The following CLUH variants were observed in gnomAD, a reference collection of about 807,000 sequenced individuals.
CLUH encodes the protein clustered mitochondria protein homolog.
Under a neutral mutation model 139.3 loss-of-function variants are expected in CLUH, and 77 were observed. The observed-to-expected ratio is 0.55, with a 90% confidence interval of 0.46 to 0.67. The LOEUF (loss-of-function observed/expected upper bound fraction) is 0.67, where lower values mean the gene tolerates loss of function less well. Among genes scored for constraint, CLUH ranks in the 30% least tolerant of loss-of-function variants. The pLI is 0.00. For missense variants in CLUH, 1,876 were observed against 1,875.8 expected (o/e 1.00, Z 0.00); for synonymous variants, 999 against 801.6 (o/e 1.25, Z -4.16).
rs1366776360 is a variant in CLUH at position 2,698,323 on chromosome 17, C to A, written c.1534G>T (p.Val512Leu). ...VEGLYTLGTV[V>L]VDYRGYRVTA... ...ACCCGGTAGCCGCGGTAATCCACCACCACCGTGCCCAGCGTGTACAGCCCC... is the reference window on the plus strand; with the variant it reads ...ACCCGGTAGCCGCGGTAATCCACCAACACCGTGCCCAGCGTGTACAGCCCC... The change falls in exon 10 of 26, where the codon GTG (valine) becomes TTG (leucine). Residue 512 changes from valine to leucine, a missense_variant. Val to Leu is a conservative substitution (Grantham distance 32). This residue lies in a region of CLUH where 1,454 missense variants were observed against 1,384.4 expected (regional missense o/e 1.05). Coordinates refer to ENST00000651024, the MANE Select transcript of CLUH (RefSeq NM_001366661.1). The A allele has an allele frequency of 2.5e-6, 4 of 1,612,936 alleles. No homozygotes were observed. Among genetic ancestry groups the A allele is most frequent in the Non-Finnish European group, 3.4e-6 (4 of 1,179,754 alleles).
chr17:2,694,621 C>T (rs987783991), intron 16 of CLUH, 57 bp from the exon 17 acceptor site: 43 of 1,470,946 alleles, frequency 2.9e-5, no homozygotes, highest in East Asian at 1.7e-4. Flanking sequence ...CCCCCAACAC[C>T]GCCCCACCCA....
chr17:2,699,758 A>G (rs962868895), intron 9 of CLUH, among the ~76,000 whole-genome samples: 1 of 151,734 alleles, frequency 6.6e-6, no homozygotes, highest in African/African-American at 2.4e-5. Context: ...CAGACTCCCG[A>G]GTAGCTGGGA....
In CLUH at chr17:2,691,988, C is replaced by A. The variant is rs1229585276; in HGVS notation, c.3654+16G>T. The A allele has an allele frequency of 2.6e-6, 3 of 1,154,716 alleles. No individual in the cohort carries two copies. Among genetic ancestry groups the A allele is most frequent in the Non-Finnish European group, 2.2e-6 (2 of 906,416 alleles). 71.5% of individuals were successfully genotyped at this position (1,154,716 alleles called of 1,614,324 possible). ...CCCCGCCCCGCCCCCGCCCCCGCCA[C>A]GCCCCCGCCGCGCACCTGCGTCTTG... On this transcript the variant is annotated intron_variant, in intron 23 of 25. Transcript: ENST00000651024.
At position 2,696,524 on chromosome 17, in the gene CLUH, G is replaced by A. The variant is rs200794784; in HGVS notation, c.2200C>T (p.Arg734Trp). 8 of 1,573,734 alleles carry A rather than the reference G, an allele frequency of 5.1e-6. No individual in the cohort carries two copies. Among genetic ancestry groups the A allele is most frequent in the Admixed American group, 1.8e-5 (1 of 54,566 alleles). The change falls in exon 12 of 26, where the codon CGG becomes TGG. Residue 734 changes from arginine to tryptophan, a missense_variant. Transcript: ENST00000651024. ...ADDGTADPRSREVIRNACKAV... is the reference protein window; with the variant it reads ...ADDGTADPRSWEVIRNACKAV... ...TTGCACGCGTTGCGGATCACCTCCC[G>A]GCTCCGAGGGTCTGCTGTGGAGACA...
chr17:2,700,893 T>C (rs1365348908), intron 7 of CLUH, 68 bp from the exon 8 acceptor site: 1 of 1,491,896 alleles, frequency 6.7e-7, no homozygotes, highest in Admixed American at 2.3e-5. Flanking sequence ...CGGGCCCCTT[T>C]TCTGAGGCCC....
intron 25 of CLUH, among the ~76,000 whole-genome samples, chr17:2,691,286 G>A (rs1184824375): frequency 4.0e-5 from 6 of 151,888 alleles, no homozygotes; most frequent in Non-Finnish European, 4.4e-5. Flanking sequence ...GGGGCGGGCC[G>A]GGCGCGATGG....
At chr17:2,691,468 A>G (rs749781121) in intron 25 of CLUH, 141 bp downstream of exon 25, 1 of 795,666 alleles carries the variant, frequency 1.3e-6, no homozygotes, top group Non-Finnish European at 2.1e-6. Flanking sequence ...AGGCTGAGGC[A>G]GGAGAATCGC....
At position 2,696,191 on chromosome 17, in the gene CLUH, C is replaced by A. The variant is rs953092769; in HGVS notation, c.2359G>T (p.Ala787Ser). 3 of 1,570,460 alleles carry A rather than the reference C, an allele frequency of 1.9e-6. No homozygotes were observed. Among genetic ancestry groups the A allele is most frequent in the Non-Finnish European group, 2.6e-6 (3 of 1,158,316 alleles). ...GGGATCTGGCAGGAGAGCAGGAAGG[C>A]AGCCGCGTCCTTCAGCAGCTGCTTC... ...DQKQLLKDAA[A>S]FLLSCQIPGL... The change falls in exon 13 of 26, where the codon GCC becomes TCC. Residue 787 changes from alanine (A) to serine (S), a missense_variant. By Grantham distance (99) the Ala-to-Ser change is moderately conservative. Around this residue, in one of 3 missense-constraint regions of CLUH, gnomAD observed 1,454 missense variants for 1,384.4 expected, o/e 1.05. Coordinates refer to ENST00000651024, the MANE Select transcript of CLUH (RefSeq NM_001366661.1).
At chr17:2,701,338 G>T (rs1156860845) in intron 6 of CLUH, 28 bp downstream of exon 6, 1 of 1,605,784 alleles carries the variant, frequency 6.2e-7, no homozygotes, top group Non-Finnish European at 8.5e-7. Flanking sequence ...GCACGGCAGG[G>T]GGGTGTGGTG....
chr17:2,692,121 C>A, intron 22 of CLUH, 24 bp from the exon 23 acceptor site: 1 of 1,578,534 alleles, frequency 6.3e-7, no homozygotes, highest in Non-Finnish European at 8.6e-7. Flanking sequence ...CGGCGCGGGG[C>A]GAGGGAAGGG....
In CLUH at chr17:2,695,400, C is replaced by T. The variant is rs562629566; in HGVS notation, c.2518G>A (p.Ala840Thr). 1.2e-6 allele frequency: 2 copies of T among 1,612,680 alleles called. No individual in the cohort carries two copies. The highest frequency in any genetic ancestry group is 2.7e-5 in the African/African-American group (2 of 75,066). The change falls in exon 14 of 26, where the codon GCC (alanine) becomes ACC (threonine). Residue 840 changes from alanine (A) to threonine (T), a missense_variant. Ala to Thr is a moderately conservative substitution (Grantham distance 58). Coordinates refer to ENST00000651024, the MANE Select transcript of CLUH (RefSeq NM_001366661.1). Reference protein sequence around the residue: ...KVLELVLRSPARHQLDHVFKI... With the variant: ...KVLELVLRSPTRHQLDHVFKI... Reference sequence around the variant, plus strand: ...AAGACGTGGTCCAGCTGGTGGCGGGCCGGGCTCCGCAGCACCAGCTCCAGC... The same window carrying T: ...AAGACGTGGTCCAGCTGGTGGCGGGTCGGGCTCCGCAGCACCAGCTCCAGC...
At chr17:2,698,841 C>T (rs529507047) in intron 9 of CLUH, among the ~76,000 whole-genome samples, 2 of 152,154 alleles carry the variant, frequency 1.3e-5, no homozygotes, top group Admixed American at 6.6e-5. Context: ...GTCACGAGTT[C>T]GAGACCAGCC....
chr17:2,710,102 G>A (rs775070254), intron 1 of CLUH, among the ~76,000 whole-genome samples: 9 of 152,152 alleles, frequency 5.9e-5, no homozygotes, highest in South Asian at 2.1e-4. Flanking sequence ...GCCAGGCCAC[G>A]GCAGCCTTGG....
rs749262253 is a variant in CLUH at position 2,691,806 on chromosome 17, G to A, written c.3744C>T (p.Asn1248=). 6 of 1,583,614 alleles carry A rather than the reference G, an allele frequency of 3.8e-6. No individual in the cohort carries two copies. Among genetic ancestry groups the A allele is most frequent in the Non-Finnish European group, 5.1e-6 (6 of 1,165,686 alleles). The change falls in exon 24 of 26, where the codon AAC becomes AAT. Residue 1248 remains asparagine (N), a synonymous_variant. Coordinates refer to ENST00000651024, the MANE Select transcript of CLUH (RefSeq NM_001366661.1). ...QQAVALQRTM[N]EIYRNGSSAN... Reference sequence around the variant, plus strand: ...CGCTGGAGCCGTTGCGGTAGATCTCGTTCATGGTGCGCTGCAGGGCCACGG... The same window carrying A: ...CGCTGGAGCCGTTGCGGTAGATCTCATTCATGGTGCGCTGCAGGGCCACGG...
At chr17:2,698,685 C>G in intron 9 of CLUH, 95 bp from the exon 10 acceptor site, 1 of 1,183,586 alleles carries the variant, frequency 8.4e-7, no homozygotes, top group Non-Finnish European at 1.2e-6. Flanking sequence ...CGGAGGCAAC[C>G]GGGCCTGCCT....
In CLUH at chr17:2,703,480, G is replaced by C; in HGVS notation, c.313C>G (p.Gln105Glu). 6.2e-7 allele frequency: 1 copy of C among 1,612,974 alleles called. No individual in the cohort carries two copies. Residue 105 changes from glutamine to glutamate, a missense_variant, in exon 3 of 26, where the codon CAG becomes GAG. Coordinates refer to ENST00000651024, the MANE Select transcript of CLUH (RefSeq NM_001366661.1). The surrounding 1 kb of genome is among the most constrained non-coding windows in gnomAD (Gnocchi z 4.2). The part of the protein sequence containing the change: ...IEPFSLQVSP[Q>E]EMVQEIHQVL... ...TGGTGAATCTCCTGCACCATCTCCT[G>C]GGGGGACACCTGCAGGGAGAAGGCC...
intron 9 of CLUH, 44 bp downstream of exon 9, chr17:2,700,338 G>C (rs1348258321): frequency 6.4e-7 from 1 of 1,551,582 alleles, no homozygotes; most frequent in Non-Finnish European, 8.8e-7. Context: ...GTCAGCAGGT[G>C]GACAGCGGGC....
intron 7 of CLUH, 118 bp from the exon 8 acceptor site, chr17:2,700,943 G>T: frequency 7.0e-7 from 1 of 1,432,444 alleles, no homozygotes; most frequent in South Asian, 1.4e-5. Context: ...ACACTGCCCT[G>T]GAGCCAGATG....
rs1363904039 is a variant in CLUH at position 2,700,716 on chromosome 17, T to A, written c.1135A>T (p.Thr379Ser). 6.5e-7 allele frequency: 1 copy of A among 1,536,798 alleles called. No individual in the cohort carries two copies. Among genetic ancestry groups the A allele is most frequent in the East Asian group, 2.3e-5 (1 of 44,310 alleles). Residue 379 changes from threonine (T) to serine (S), a missense_variant, in exon 8 of 26, where the codon ACC (threonine) becomes TCC (serine). By Grantham distance (58) the Thr-to-Ser change is moderately conservative (BLOSUM62 1). Around this residue, in one of 3 missense-constraint regions of CLUH, gnomAD observed 1,454 missense variants for 1,384.4 expected, o/e 1.05. Coordinates refer to ENST00000651024, the MANE Select transcript of CLUH (RefSeq NM_001366661.1). ...MDCVRAEDAYTSRLGYEEHIP... is the reference protein window; with the variant it reads ...MDCVRAEDAYSSRLGYEEHIP... ...TGCTCCTCATAGCCCAGCCTCGAGGTGTAGGCGTCCTCTGCACGCACGCAA... is the reference window on the plus strand; with the variant it reads ...TGCTCCTCATAGCCCAGCCTCGAGGAGTAGGCGTCCTCTGCACGCACGCAA...
Sources: gnomAD v4.1 joint callset for allele counts (sites outside exome capture counted in the v4.1 genomes callset) on GRCh38, gnomAD v4.1.1 for gene constraint, gnomAD v4.1.1 regional missense constraint, Gnocchi (gnomAD v3.1) non-coding constraint, MANE v1.5 for transcripts, NCBI Gene and HGNC (gene_info 2026-07-23, HGNC 2026-07-21) for gene names.